The following POMC variants were observed in gnomAD, a reference collection of about 807,000 sequenced individuals.
POMC encodes the protein proopiomelanocortin.
Under a neutral mutation model 18.5 loss-of-function variants are expected in POMC, and 19 were observed. The ratio of observed to expected loss-of-function variants is 1.03; its 90% CI spans 0.72 to 1.51. The LOEUF (loss-of-function observed/expected upper bound fraction) is 1.51. Among genes scored for constraint, POMC ranks in the 40% most tolerant of loss-of-function variants. POMC has a pLI of 0.00. For synonymous variants in POMC, 179 were observed against 161.9 expected (o/e 1.11, Z -0.80); for missense variants, 451 against 379.0 (o/e 1.19, Z -1.58).
At chr2:25,166,476 GTAGTTACGTA>G (rs1346655323) in intron 1 of POMC, among the ~76,000 whole-genome samples, 1 of 152,206 alleles carries the variant, frequency 6.6e-6, no homozygotes, top group Admixed American at 6.5e-5. Flanking sequence ...CAGAAAAATG[GTAGTTACGTA>G]TGTCACCAAA....
At chr2:25,164,603 T>C in intron 2 of POMC, 38 bp downstream of exon 2, 1 of 1,613,840 alleles carries the variant, frequency 6.2e-7, no homozygotes, top group East Asian at 2.2e-5. Flanking sequence ...CAGTCCCATC[T>C]AATGTCTAAG....
rs2071345 is a variant in POMC, at chr2:25,161,300, G to A, written c.585C>T (p.Ala195=). ...LREGDGPDGP[A]DDGAGAQADL... is the part of the protein sequence containing the mutation. ...CGGCCTGGGCCCCTGCGCCGTCATC[G>A]GCAGGGCCGTCGGGGCCATCTCCCT... The change falls in exon 3 of 3, where the codon GCC becomes GCT. Residue 195 remains alanine, a synonymous_variant. Transcript: ENST00000395826. This position sits in a 1 kb window ranked among gnomAD's most constrained non-coding sequence, Gnocchi z 5.7. 0.019 allele frequency: 30,380 copies of A among 1,609,920 alleles called. 2,620 individuals carry two copies. The East Asian group carries it at 0.3, about 16-fold the overall frequency.
At position 25,161,885 on chromosome 2, in the gene POMC, T is replaced by G; in HGVS notation, c.133-133A>C. ...GACACAGGGCACAGTGTCGGGCGTG[T>G]CAAGCGTCGAGGCCTCCCTACAGAG... On this transcript the variant is annotated intron_variant, in intron 2 of 2. Coordinates refer to ENST00000395826, the MANE Select transcript of POMC (RefSeq NM_000939.4). This position sits in a 1 kb window ranked among gnomAD's most constrained non-coding sequence, Gnocchi z 5.7. 3 of 1,410,986 alleles carry G rather than the reference T, an allele frequency of 2.1e-6. No homozygotes were observed. Among genetic ancestry groups the G allele is most frequent in the Non-Finnish European group, 2.8e-6 (3 of 1,081,752 alleles). The allele number at this position is 1,410,986 out of a possible 1,614,324, so 87.4% of individuals were successfully genotyped here.
chr2:25,164,524 G>T, intron 2 of POMC, 117 bp downstream of exon 2: 1 of 1,529,912 alleles, frequency 6.5e-7, no homozygotes, highest in Non-Finnish European at 9.0e-7. Flanking sequence ...GCCCTGGATT[G>T]AATCACGCCT....
rs574918158 is a variant in POMC at position 25,161,979 on chromosome 2, A to G, written c.133-227T>C. 3.3e-5 allele frequency among the ~76,000 whole-genome samples: 5 copies of G among 152,220 alleles called. No individual in the cohort carries two copies. In the South Asian group the frequency reaches 1.0e-3, roughly 32 times the overall value. On this transcript the variant is annotated intron_variant, in intron 2 of 2. Coordinates refer to ENST00000395826, the MANE Select transcript of POMC (RefSeq NM_000939.4). This position sits in a 1 kb window ranked among gnomAD's most constrained non-coding sequence, Gnocchi z 5.7. Reference sequence around the variant, plus strand: ...ATCTTGCCACTGCCTCTTTTGTCCCATCCCCTTCATGCTTCTGCCTGGCAA... The same window carrying G: ...ATCTTGCCACTGCCTCTTTTGTCCCGTCCCCTTCATGCTTCTGCCTGGCAA...
chr2:25,161,378 G>A lies in POMC; in HGVS notation c.507C>T (p.Ala169=), dbSNP rs1393878912. Residue 169 remains alanine, a synonymous_variant, in exon 3 of 3, where the codon GCC becomes GCT. Coordinates refer to ENST00000395826, the MANE Select transcript of POMC (RefSeq NM_000939.4). This position sits in a 1 kb window ranked among gnomAD's most constrained non-coding sequence, Gnocchi z 5.7. ...VYPNGAEDES[A]EAFPLEFKRE... ...TCTTGAACTCCAGGGGGAAGGCCTC[G>A]GCCGACTCGTCCTCGGCGCCGTTAG... The A allele has an allele frequency of 1.2e-6, 2 of 1,606,482 alleles. No homozygotes were observed. The highest frequency in any genetic ancestry group is 1.7e-5 in the Admixed American group (1 of 59,104).
At position 25,161,234 on chromosome 2, in the gene POMC, G is replaced by C; in HGVS notation, c.651C>G (p.Asp217Glu). ...HSLLVAAEKK[D>E]EGPYRMEHFR... ...AGTGCTCCATCCTGTAGGGGCCCTC[G>C]TCCTTCTTCTCGGCCGCCACCAGCA... Residue 217 changes from aspartate to glutamate, a missense_variant, in exon 3 of 3, where the codon GAC becomes GAG. Asp to Glu is a conservative substitution (Grantham distance 45, BLOSUM62 2). Coordinates refer to ENST00000395826, the MANE Select transcript of POMC (RefSeq NM_000939.4). The surrounding 1 kb of genome is among the most constrained non-coding windows in gnomAD (Gnocchi z 5.7). 2 of 1,612,814 alleles carry C rather than the reference G, an allele frequency of 1.2e-6. No homozygotes were observed. The highest frequency in any genetic ancestry group is 1.1e-5 in the South Asian group (1 of 90,968).
chr2:25,161,487 C>T lies in POMC; in HGVS notation c.398G>A (p.Arg133His), dbSNP rs1199953669. 2 of 1,606,330 alleles carry T rather than the reference C, an allele frequency of 1.2e-6. No individual in the cohort carries two copies. The highest frequency in any genetic ancestry group is 1.1e-5 in the South Asian group (1 of 90,040). Residue 133 changes from arginine (R) to histidine (H), a missense_variant, in exon 3 of 3, where the codon CGC (arginine) becomes CAC (histidine). Arg to His is a conservative substitution (Grantham distance 29). Coordinates refer to ENST00000395826, the MANE Select transcript of POMC (RefSeq NM_000939.4). This position sits in a 1 kb window ranked among gnomAD's most constrained non-coding sequence, Gnocchi z 5.7. ...CATGGAGTAGGAGCGCTTGCCCTCG[C>T]GCGGGCCCGGCTTGGCACCATCGCT... ...PRSDGAKPGP[R>H]EGKRSYSMEH...
At chr2:25,162,323 G>A (rs1004612135) in intron 2 of POMC, among the ~76,000 whole-genome samples, 7 of 152,064 alleles carry the variant, frequency 4.6e-5, no homozygotes, top group African/African-American at 1.7e-4. Context: ...GGTGGCGGGC[G>A]CCTGTAATCC....
At position 25,160,930 on chromosome 2, in the gene POMC, A is replaced by G. The variant is rs1671324125; in HGVS notation, c.*151T>C. The G allele has an allele frequency of 1.6e-6, 2 of 1,276,714 alleles. No individual in the cohort carries two copies. The highest frequency in any genetic ancestry group is 2.1e-6 in the Non-Finnish European group (2 of 945,088). 79.1% of individuals were successfully genotyped at this position (1,276,714 alleles called of 1,614,324 possible). ...AAGTCAGAGGTGGATGTGAAATTTG[A>G]AAGGTTTTATTTCCTAACTACAGGC... On this transcript the variant is annotated 3_prime_UTR_variant, in exon 3 of 3. Coordinates refer to ENST00000395826, the MANE Select transcript of POMC (RefSeq NM_000939.4).
In POMC at chr2:25,161,860, G is replaced by A; in HGVS notation, c.133-108C>T. The A allele has an allele frequency of 6.9e-6, 10 of 1,449,930 alleles. No homozygotes were observed. Among genetic ancestry groups the A allele is most frequent in the Non-Finnish European group, 9.0e-6 (10 of 1,106,160 alleles). 89.8% of individuals were successfully genotyped at this position (1,449,930 alleles called of 1,614,324 possible). A position where few individuals can be genotyped will look rare whatever the true frequency, so the allele number is the denominator to read the frequency against. ...CTGGCCGCCCTCGCCACGTGCCGAG[G>A]ACACAGGGCACAGTGTCGGGCGTGT... On this transcript the variant is annotated intron_variant, in intron 2 of 2. Transcript: ENST00000395826. This position sits in a 1 kb window ranked among gnomAD's most constrained non-coding sequence, Gnocchi z 5.7.
At chr2:25,166,386 G>A (rs1472697844) in intron 1 of POMC, among the ~76,000 whole-genome samples, 1 of 152,226 alleles carries the variant, frequency 6.6e-6, no homozygotes, top group Non-Finnish European at 1.5e-5. Flanking sequence ...GCCAGAACTT[G>A]GTGGACCAGG....
chr2:25,164,686 C>T lies in POMC; in HGVS notation c.87G>A (p.Leu29=), dbSNP rs1343062342. ...TGAGGTCCTGACACTGGCTGCTCTCCAGGCACCAGCCACGCACTTCCATGG... is the reference window on the plus strand; with the variant it reads ...TGAGGTCCTGACACTGGCTGCTCTCTAGGCACCAGCCACGCACTTCCATGG... The part of the protein sequence containing the change: ...QASMEVRGWC[L]ESSQCQDLTT... The change falls in exon 2 of 3, where the codon CTG becomes CTA. Residue 29 remains leucine (L), a synonymous_variant. Coordinates refer to ENST00000395826, the MANE Select transcript of POMC (RefSeq NM_000939.4). 1.2e-6 allele frequency: 2 copies of T among 1,614,206 alleles called. No homozygotes were observed. The highest frequency in any genetic ancestry group is 2.7e-5 in the African/African-American group (2 of 75,064).
At position 25,164,546 on chromosome 2, in the gene POMC, T is replaced by C. The variant is rs1671489156; in HGVS notation, c.132+95A>G. 12 of 1,578,034 alleles carry C rather than the reference T, an allele frequency of 7.6e-6. No homozygotes were observed. The Admixed American group carries it at 1.0e-4, about 13-fold the overall frequency. On this transcript the variant is annotated intron_variant, in intron 2 of 2. Coordinates refer to ENST00000395826, the MANE Select transcript of POMC (RefSeq NM_000939.4). ...ATTGAATCACGCCTATCACTGGGAA[T>C]GAATTTCCCTTTCCCCACACCCTTT...
At position 25,161,852 on chromosome 2, in the gene POMC, G is replaced by C; in HGVS notation, c.133-100C>G. ...CCTAGGCCCTGGCCGCCCTCGCCACGTGCCGAGGACACAGGGCACAGTGTC... is the reference window on the plus strand; with the variant it reads ...CCTAGGCCCTGGCCGCCCTCGCCACCTGCCGAGGACACAGGGCACAGTGTC... On this transcript the variant is annotated intron_variant, in intron 2 of 2. Transcript: ENST00000395826. This position sits in a 1 kb window ranked among gnomAD's most constrained non-coding sequence, Gnocchi z 5.7. 6.9e-7 allele frequency: 1 copy of C among 1,457,940 alleles called. No individual in the cohort carries two copies. The highest frequency in any genetic ancestry group is 1.4e-5 in the South Asian group (1 of 71,242). The allele number at this position is 1,457,940 out of a possible 1,614,324, so 90.3% of individuals were successfully genotyped here.
intron 1 of POMC, 98 bp from the exon 2 acceptor site, chr2:25,164,890 C>T: frequency 1.5e-6 from 2 of 1,347,000 alleles, no homozygotes; most frequent in Non-Finnish European, 2.1e-6. Context: ...ACAACACACT[C>T]TCTTGTGGAG....
rs532976709 is a variant in POMC, at chr2:25,167,675, A to G, written c.-21+823T>C. Among the ~76,000 whole-genome samples, 6 of 152,278 alleles carry G rather than the reference A, an allele frequency of 3.9e-5. No individual in the cohort carries two copies. The South Asian group carries it at 1.2e-3, about 32-fold the overall frequency. ...ATAGCGCGGCCACCTCGGGTGCGCT[A>G]AGGTGGGCAAGGAAACAAGGATTCA... On this transcript the variant is annotated intron_variant, in intron 1 of 2. Transcript: ENST00000395826.
At position 25,168,025 on chromosome 2, in the gene POMC, A is replaced by G. The variant is rs1262780222; in HGVS notation, c.-21+473T>C. Reference sequence around the variant, plus strand: ...AAAAATTAGCCGGGCGTGGTGGCGCATGCCTGTAATCCCAGCTACTCGGGA... The same window carrying G: ...AAAAATTAGCCGGGCGTGGTGGCGCGTGCCTGTAATCCCAGCTACTCGGGA... On this transcript the variant is annotated intron_variant, in intron 1 of 2. Coordinates refer to ENST00000395826, the MANE Select transcript of POMC (RefSeq NM_000939.4). This position sits in a 1 kb window ranked among gnomAD's most constrained non-coding sequence, Gnocchi z 5.2. Among the ~76,000 whole-genome samples, 3 of 152,136 alleles carry G rather than the reference A, an allele frequency of 2.0e-5. No homozygotes were observed. Among genetic ancestry groups the G allele is most frequent in the East Asian group, 3.9e-4 (2 of 5,190 alleles).
rs1054605971 is a variant in POMC, at chr2:25,168,349, G to C, written c.-21+149C>G. The C allele has an allele frequency of 2.6e-5, 4 of 152,220 alleles. No individual in the cohort carries two copies. The highest frequency in any genetic ancestry group is 9.7e-5 in the African/African-American group (4 of 41,442). 9.4% of individuals were successfully genotyped at this position (152,220 alleles called of 1,614,324 possible). On this transcript the variant is annotated intron_variant, in intron 1 of 2. Coordinates refer to ENST00000395826, the MANE Select transcript of POMC (RefSeq NM_000939.4). The surrounding 1 kb of genome is among the most constrained non-coding windows in gnomAD (Gnocchi z 5.2). ...ACTGGCGGCTTCTCATGCCGCAGTC[G>C]GCGCAGAAAGTTTGTCGAGAACTCG...
Sources: gnomAD v4.1 joint callset for allele counts (sites outside exome capture counted in the v4.1 genomes callset) on GRCh38, gnomAD v4.1.1 for gene constraint, Gnocchi (gnomAD v3.1) non-coding constraint, MANE v1.5 for transcripts, NCBI Gene and HGNC (gene_info 2026-07-23, HGNC 2026-07-21) for gene names.